The following SOX6 variants were observed in gnomAD, a reference collection of about 807,000 sequenced individuals.
The protein encoded by SOX6 is SRY-box transcription factor 6.
Under a neutral mutation model 97.8 loss-of-function variants are expected in SOX6, and 11 were observed. The observed-to-expected ratio is 0.11, with a 90% CI of 0.07 to 0.19. The LOEUF is 0.19. Among genes scored for constraint, SOX6 ranks in the 10% least tolerant of loss-of-function variants. The pLI, the probability that SOX6 is intolerant of heterozygous loss-of-function variation, is 1.00. For synonymous variants in SOX6, 360 were observed against 371.4 expected (o/e 0.97, Z 0.35); for missense variants, 810 against 1,039.5 (o/e 0.78, Z 3.04).
chr11:16,682,251 C>T (rs914633155), intron 3 of SOX6, among the ~76,000 whole-genome samples: 1 of 152,236 alleles, frequency 6.6e-6, no homozygotes, highest in East Asian at 1.9e-4. Flanking sequence ...ACCCAGGAGG[C>T]GGAGCTTGCA....
intron 4 of SOX6, among the ~76,000 whole-genome samples, chr11:16,218,505 T>C (rs1852437776): frequency 6.6e-6 from 1 of 152,112 alleles, no homozygotes; most frequent in Non-Finnish European, 1.5e-5. Flanking sequence ...CATTTTGCCC[T>C]GGCTAATTTT....
intron 12 of SOX6, among the ~76,000 whole-genome samples, chr11:16,042,032 T>G (rs980681167): frequency 1.3e-5 from 2 of 152,202 alleles, no homozygotes; most frequent in African/African-American, 4.8e-5. Context: ...GAGCATCTTC[T>G]GAGCAAGCTA....
intron 4 of SOX6, among the ~76,000 whole-genome samples, chr11:16,539,747 T>A (rs1409440345): frequency 6.6e-6 from 1 of 152,140 alleles, no homozygotes; most frequent in African/African-American, 2.4e-5. Flanking sequence ...CCTGGACACA[T>A]ACGCCCTCCT....
At chr11:16,340,961 G>A (rs751452494) in intron 2 of SOX6, 51 bp downstream of exon 2, 14 of 1,610,602 alleles carry the variant, frequency 8.7e-6, no homozygotes, top group Non-Finnish European at 1.2e-5. Context: ...TTATAATGAG[G>A]ACATTCTAAG....
chr11:16,067,436 C>T (rs1848118658), intron 9 of SOX6, among the ~76,000 whole-genome samples: 1 of 151,970 alleles, frequency 6.6e-6, no homozygotes, highest in Non-Finnish European at 1.5e-5. Flanking sequence ...AAGAGCGGTT[C>T]CCCTGCACAC....
chr11:16,077,627 T>C (rs1023282259), intron 9 of SOX6, among the ~76,000 whole-genome samples: 5 of 152,106 alleles, frequency 3.3e-5, no homozygotes, highest in African/African-American at 1.2e-4. Flanking sequence ...TATGCAGCCA[T>C]GAAAAAGAAC....
intron 4 of SOX6, among the ~76,000 whole-genome samples, chr11:16,499,913 C>T (rs1860673082): frequency 6.6e-6 from 1 of 152,158 alleles, no homozygotes; most frequent in Non-Finnish European, 1.5e-5. Context: ...CCTTCTGAAA[C>T]TATTCCAATC....
intron 4 of SOX6, among the ~76,000 whole-genome samples, chr11:16,204,415 C>G (rs1852018632): frequency 6.6e-6 from 1 of 151,962 alleles, no homozygotes; most frequent in Non-Finnish European, 1.5e-5. Context: ...AGGGAGAGGA[C>G]ATGTGGGGGT....
intron 13 of SOX6, among the ~76,000 whole-genome samples, chr11:15,992,814 A>G (rs1289612906): frequency 6.6e-6 from 1 of 152,220 alleles, no homozygotes; most frequent in Non-Finnish European, 1.5e-5. Flanking sequence ...AAGCATCCAT[A>G]TGAGTACTAT....
chr11:16,190,472 C>T (rs943642819), intron 4 of SOX6, among the ~76,000 whole-genome samples: 2 of 152,196 alleles, frequency 1.3e-5, no homozygotes, highest in Non-Finnish European at 2.9e-5. Flanking sequence ...ACTATTCACA[C>T]AGCATTTACA....
Position 15,970,504 on chromosome 11 carries a change from T to A in SOX6, c.*2305A>T, listed in dbSNP as rs1853269387. 1 of 152,458 alleles carries A rather than the reference T, an allele frequency of 6.6e-6. No homozygotes were observed. The highest frequency in any genetic ancestry group is 1.5e-5 in the Non-Finnish European group (1 of 68,014). 9.4% of individuals were successfully genotyped at this position (152,458 alleles called of 1,614,324 possible). ...AGAAAGAAAAAAAACAAGAGTGAAC[T>A]GAGGAGGAGAGGTATATAATCAAAG... On this transcript the variant is annotated 3_prime_UTR_variant, in exon 16 of 16. Transcript: ENST00000683767.
At chr11:16,412,895 T>G (rs1334544881) in intron 1 of SOX6, among the ~76,000 whole-genome samples, 1 of 152,134 alleles carries the variant, frequency 6.6e-6, no homozygotes, top group Non-Finnish European at 1.5e-5. Context: ...GATAGCATGT[T>G]TATTTCTGAA....
At chr11:16,501,656 T>C (rs972570204) in intron 4 of SOX6, among the ~76,000 whole-genome samples, 7 of 151,876 alleles carry the variant, frequency 4.6e-5, no homozygotes, top group Non-Finnish European at 7.4e-5. Context: ...GCAAAGGATA[T>C]GAACAGACAC....
chr11:16,219,356 C>T (rs575786966), intron 4 of SOX6, among the ~76,000 whole-genome samples: 1 of 152,012 alleles, frequency 6.6e-6, no homozygotes, highest in East Asian at 1.9e-4. Flanking sequence ...ATTTTGGAAC[C>T]CTATCCTTTA....
At chr11:16,705,969 G>GAGGT (rs1848129158) in intron 3 of SOX6, among the ~76,000 whole-genome samples, 1 of 151,540 alleles carries the variant, frequency 6.6e-6, no homozygotes. Context: ...CAAAATGGCA[G>GAGGT]AAGTCCTTCC....
At chr11:16,389,080 G>T (rs994708896) in intron 1 of SOX6, among the ~76,000 whole-genome samples, 2 of 151,650 alleles carry the variant, frequency 1.3e-5, no homozygotes, top group African/African-American at 4.8e-5. Context: ...TTGTTTTGTG[G>T]TTTTTTGTTT....
intron 1 of SOX6, among the ~76,000 whole-genome samples, chr11:16,362,470 C>G (rs1428481476): frequency 1.3e-5 from 2 of 152,090 alleles, no homozygotes; most frequent in Admixed American, 6.6e-5. Flanking sequence ...AGCCCCATGA[C>G]TCAATTCAGG....
chr11:16,288,716 A>G (rs1854823493), intron 3 of SOX6, among the ~76,000 whole-genome samples: 1 of 151,934 alleles, frequency 6.6e-6, no homozygotes, highest in Non-Finnish European at 1.5e-5. Context: ...CAGTTACCAA[A>G]AAGTACACCT....
chr11:16,090,002 T>C (rs1369596083), intron 9 of SOX6, among the ~76,000 whole-genome samples: 1 of 152,088 alleles, frequency 6.6e-6, no homozygotes, highest in Non-Finnish European at 1.5e-5. Flanking sequence ...AACATATACA[T>C]ACATGCAGAT....
Sources: allele counts gnomAD v4.1 joint callset (sites outside exome capture counted in the v4.1 genomes callset), GRCh38; gene constraint gnomAD v4.1.1; transcripts MANE v1.5; gene names NCBI Gene and HGNC (gene_info 2026-07-23, HGNC 2026-07-21).